VAV2: variants seen among roughly 807,000 people sequenced by gnomAD.
VAV2 encodes vav guanine nucleotide exchange factor 2, also known as guanine nucleotide exchange factor VAV2.
VAV2 carries 67 observed loss-of-function variants against 132.5 expected under a neutral mutation model. The ratio of observed to expected loss-of-function variants is 0.51; its 90% CI spans 0.42 to 0.62. The LOEUF is 0.62. Ranked by LOEUF, VAV2 falls within the 20% of genes least tolerant of loss-of-function variation. VAV2 has a pLI of 0.00. For synonymous variants in VAV2, 492 were observed against 443.5 expected (o/e 1.11, Z -1.37); for missense variants, 938 against 1,153.6 (o/e 0.81, Z 2.71).
In VAV2 at chr9:133,892,827, C is replaced by G. The variant is rs568349811; in HGVS notation, c.322-31395G>C. Reference sequence around the variant, plus strand: ...GCCATTGCAGACGAGAAAAGCGGACCTGGCCCAGCCTTGGCAATAAAAAGC... The same window carrying G: ...GCCATTGCAGACGAGAAAAGCGGACGTGGCCCAGCCTTGGCAATAAAAAGC... On this transcript the variant is annotated intron_variant, in intron 2 of 29. Transcript: ENST00000371850. Among the ~76,000 whole-genome samples, 53 of 152,292 alleles carry G rather than the reference C, an allele frequency of 3.5e-4. 2 individuals are homozygous for G. Among genetic ancestry groups the G allele is most frequent in the Admixed American group, 3.2e-3 (49 of 15,308 alleles).
At chr9:133,983,235 A>G (rs1052827303) in intron 1 of VAV2, among the ~76,000 whole-genome samples, 3 of 152,216 alleles carry the variant, frequency 2.0e-5, no homozygotes, top group African/African-American at 7.2e-5. Flanking sequence ...CAGCCCACAG[A>G]CATGGCCTGG....
At chr9:133,815,698 T>C (rs1222571281) in intron 4 of VAV2, among the ~76,000 whole-genome samples, 2 of 152,190 alleles carry the variant, frequency 1.3e-5, no homozygotes, top group African/African-American at 4.8e-5. Context: ...CCATCTTCCT[T>C]CTTTATGGAC....
At chr9:133,854,078 C>T (rs564890697) in intron 3 of VAV2, among the ~76,000 whole-genome samples, 1 of 151,866 alleles carries the variant, frequency 6.6e-6, no homozygotes, top group East Asian at 1.9e-4. Context: ...TGCACACCTG[C>T]ACATACACCC....
At chr9:133,856,353 C>T (rs750305714) in intron 3 of VAV2, among the ~76,000 whole-genome samples, 1 of 152,172 alleles carries the variant, frequency 6.6e-6, no homozygotes, top group African/African-American at 2.4e-5. Context: ...CAGGATGAGA[C>T]AATCAAAGCC....
chr9:133,973,013 G>A (rs1379251019), intron 1 of VAV2, among the ~76,000 whole-genome samples: 5 of 152,106 alleles, frequency 3.3e-5, no homozygotes, highest in Non-Finnish European at 2.9e-5. Flanking sequence ...TGGGGAAGCC[G>A]TTGCCTGGAA....
intron 1 of VAV2, among the ~76,000 whole-genome samples, chr9:133,982,143 C>CCAGG (rs1842714298): frequency 6.6e-6 from 1 of 152,150 alleles, no homozygotes; most frequent in Admixed American, 6.5e-5. Flanking sequence ...CAGCAGTGAG[C>CCAGG]CAGGCAAGAA....
In VAV2 at chr9:133,919,077, C is replaced by T. The variant is rs960324877; in HGVS notation, c.321+20026G>A. Among the ~76,000 whole-genome samples the T allele has an allele frequency of 6.6e-6, 1 of 152,104 alleles. No homozygotes were observed. Among genetic ancestry groups the T allele is most frequent in the African/African-American group, 2.4e-5 (1 of 41,420 alleles). On this transcript the variant is annotated intron_variant, in intron 2 of 29. Transcript: ENST00000371850. This position sits in a 1 kb window ranked among gnomAD's most constrained non-coding sequence, Gnocchi z 5.8. The stretch of plus-strand genomic sequence containing the variant: ...TGAGAGCTACCACCCCCGGCCGCCA[C>T]CATGTTTTTAAAGACTTCCCCACAT...
chr9:133,822,937 T>G (rs1016956409), intron 4 of VAV2, among the ~76,000 whole-genome samples: 2 of 152,236 alleles, frequency 1.3e-5, no homozygotes, highest in African/African-American at 4.8e-5. Context: ...CTACCCTCTC[T>G]GAGCCTTAAT....
chr9:133,779,821 G>A (rs907025763), intron 21 of VAV2, 97 bp downstream of exon 21: 5 of 1,507,384 alleles, frequency 3.3e-6, no homozygotes, highest in Non-Finnish European at 2.7e-6. Flanking sequence ...TCTGGTGGCT[G>A]GGCAGACCTG....
At position 133,991,532 on chromosome 9, in the gene VAV2, G is replaced by A. The variant is rs1473127010; in HGVS notation, c.204+543C>T. On this transcript the variant is annotated intron_variant, in intron 1 of 29. Transcript: ENST00000371850. This position sits in a 1 kb window ranked among gnomAD's most constrained non-coding sequence, Gnocchi z 4.8. Reference sequence around the variant, plus strand: ...CCGGGTCCGGGTCCGGGAAGAGGCGGAGGCCGGCGAGGGGGCGGTGCCCGG... The same window carrying A: ...CCGGGTCCGGGTCCGGGAAGAGGCGAAGGCCGGCGAGGGGGCGGTGCCCGG... Among the ~76,000 whole-genome samples, 2 of 152,028 alleles carry A rather than the reference G, an allele frequency of 1.3e-5. No individual in the cohort carries two copies. Among genetic ancestry groups the A allele is most frequent in the African/African-American group, 2.4e-5 (1 of 41,440 alleles).
intron 2 of VAV2, among the ~76,000 whole-genome samples, chr9:133,869,255 C>T (rs896836468): frequency 2.0e-5 from 3 of 151,884 alleles, no homozygotes; most frequent in South Asian, 2.1e-4. Context: ...CCCAAAGTGC[C>T]GGGATTACAG....
At chr9:133,772,123 C>T in intron 25 of VAV2, 77 bp from the exon 26 acceptor site, 1 of 592,518 alleles carries the variant, frequency 1.7e-6, no homozygotes, top group Non-Finnish European at 2.6e-6. Context: ...CAGGCTCATT[C>T]TGTGTTTGCT....
rs375781730 is a variant in VAV2, at chr9:133,796,412, G to A, written c.1032+17C>T. On this transcript the variant is annotated intron_variant, in intron 11 of 29. Transcript: ENST00000371850. ...AGCAGTGATGACCCCGCAGGCACCC[G>A]GGGCCCAGAGCCTCACCTTCAAGAG... is the stretch of plus-strand genomic sequence containing the variant. The A allele has an allele frequency of 2.2e-5, 35 of 1,608,666 alleles. No homozygotes were observed. In the African/African-American group the frequency reaches 3.1e-4, roughly 14 times the overall value.
In VAV2 at chr9:133,857,700, G is replaced by C. The variant is rs1837438659; in HGVS notation, c.380+3674C>G. ...GGAAATCCCAGCCCATCCGGAGCAA[G>C]GTGGGACATTGCTCAGACGCAGCCA... On this transcript the variant is annotated intron_variant, in intron 3 of 29. Coordinates refer to ENST00000371850, the MANE Select transcript of VAV2 (RefSeq NM_001134398.2). The surrounding 1 kb of genome is among the most constrained non-coding windows in gnomAD (Gnocchi z 4.0). Among the ~76,000 whole-genome samples the C allele has an allele frequency of 1.3e-5, 2 of 152,244 alleles. No homozygotes were observed.
chr9:133,987,254 C>T (rs1230245965), intron 1 of VAV2, among the ~76,000 whole-genome samples: 1 of 152,050 alleles, frequency 6.6e-6, no homozygotes, highest in African/African-American at 2.4e-5. Flanking sequence ...GCAAGGGTAT[C>T]GTGTGATGAA....
intron 2 of VAV2, among the ~76,000 whole-genome samples, chr9:133,931,582 G>A (rs554776246): frequency 6.6e-6 from 1 of 152,310 alleles, no homozygotes; most frequent in South Asian, 2.1e-4. Flanking sequence ...GACCTAGGGT[G>A]CAAGTGCACA....
intron 2 of VAV2, among the ~76,000 whole-genome samples, chr9:133,922,394 C>A (rs150204415): frequency 3.4e-4 from 52 of 152,300 alleles, no homozygotes; most frequent in African/African-American, 1.2e-3. Flanking sequence ...TGTAGGGGCA[C>A]GGGGCAGAAA....
chr9:133,931,647 C>T (rs1350580573), intron 2 of VAV2, among the ~76,000 whole-genome samples: 2 of 152,242 alleles, frequency 1.3e-5, no homozygotes, highest in Non-Finnish European at 2.9e-5. Flanking sequence ...CCTCATCACG[C>T]TCTGCTCACC....
intron 2 of VAV2, among the ~76,000 whole-genome samples, 184 bp from the exon 3 acceptor site, chr9:133,861,616 G>T (rs1177953578): frequency 2.6e-5 from 4 of 152,244 alleles, no homozygotes; most frequent in African/African-American, 7.2e-5. Context: ...AGCAAAACTT[G>T]TCATTTGGAT....
Sources: allele counts gnomAD v4.1 joint callset (sites outside exome capture counted in the v4.1 genomes callset), GRCh38; gene constraint gnomAD v4.1.1; non-coding constraint Gnocchi (gnomAD v3.1); transcripts MANE v1.5; gene names NCBI Gene and HGNC (gene_info 2026-07-23, HGNC 2026-07-21).